Variants in SH3RF3 observed in about 807,000 individuals in gnomAD.
SH3RF3 encodes E3 ubiquitin-protein ligase SH3RF3.
A neutral mutation model predicts 66.3 loss-of-function variants in SH3RF3; 29 were observed. The ratio of observed to expected loss-of-function variants is 0.44; its 90% CI spans 0.33 to 0.60. The LOEUF is 0.60. SH3RF3 is among the 20% of genes least tolerant of loss of function. SH3RF3 has a pLI of 0.04. For missense variants in SH3RF3, 1,194 were observed against 1,190.9 expected (o/e 1.00, Z -0.04); for synonymous variants, 583 against 532.0 (o/e 1.10, Z -1.32).
intron 3 of SH3RF3, among the ~76,000 whole-genome samples, chr2:109,390,783 G>A (rs1184791800): frequency 1.3e-5 from 2 of 152,210 alleles, no homozygotes; most frequent in African/African-American, 4.8e-5. Context: ...CACAGGGGCG[G>A]TCGCTTCCCG....
chr2:109,259,505 C>A (rs1680300581), intron 1 of SH3RF3, among the ~76,000 whole-genome samples: 1 of 152,202 alleles, frequency 6.6e-6, no homozygotes, highest in Admixed American at 6.5e-5. Flanking sequence ...TCCTTCTGTG[C>A]AAAGTCAGGA....
Position 109,426,339 on chromosome 2 carries a change from G to C in SH3RF3, c.1404-6162G>C, listed in dbSNP as rs796622493. Among the ~76,000 whole-genome samples the C allele has an allele frequency of 3.3e-5, 5 of 152,336 alleles. 1 individual carries two copies. Among genetic ancestry groups the C allele is most frequent in the African/African-American group, 1.2e-4 (5 of 41,568 alleles). On this transcript the variant is annotated intron_variant, in intron 5 of 9. Coordinates refer to ENST00000309415, the MANE Select transcript of SH3RF3 (RefSeq NM_001099289.3). ...CCATTATGAACATTTGTGATTCATG[G>C]GAGGAGGTCAAAATATCAACATTAA...
intron 1 of SH3RF3, among the ~76,000 whole-genome samples, chr2:109,276,974 C>G (rs1324989131): frequency 6.6e-6 from 1 of 152,046 alleles, no homozygotes; most frequent in East Asian, 1.9e-4. Flanking sequence ...CTCGGCTTCT[C>G]CCTGAAAGGA....
chr2:109,487,652 C>T (rs1448071550), intron 8 of SH3RF3, among the ~76,000 whole-genome samples: 1 of 152,220 alleles, frequency 6.6e-6, no homozygotes, highest in Middle Eastern at 3.2e-3. Context: ...CTCTCAGCAG[C>T]TGGGCAGTGA....
rs115508091 is a variant in SH3RF3, at chr2:109,432,110, T to C, written c.1404-391T>C. Among the ~76,000 whole-genome samples, 485 of 152,272 alleles carry C rather than the reference T, an allele frequency of 3.2e-3. 4 individuals carry two copies. The highest frequency in any genetic ancestry group is 0.011 in the African/African-American group (467 of 41,562). On this transcript the variant is annotated intron_variant, in intron 5 of 9. Transcript: ENST00000309415. ...CCTAAGGTTTCCCTTGCTCAGAGCA[T>C]CAGACTTTAGAAGAGGAAAACACTG...
intron 1 of SH3RF3, among the ~76,000 whole-genome samples, chr2:109,324,822 G>A (rs1682110431): frequency 6.6e-6 from 1 of 152,202 alleles, no homozygotes; most frequent in Non-Finnish European, 1.5e-5. Context: ...TCCAAGGACA[G>A]TACTCTCCGT....
At chr2:109,246,669 C>T (rs1445030794) in intron 1 of SH3RF3, among the ~76,000 whole-genome samples, 3 of 152,194 alleles carry the variant, frequency 2.0e-5, no homozygotes, top group South Asian at 2.1e-4. Context: ...GTGGACTTAA[C>T]GTGCCTGGTG....
intron 1 of SH3RF3, among the ~76,000 whole-genome samples, chr2:109,223,433 C>G (rs572978448): frequency 1.6e-4 from 25 of 152,336 alleles, no homozygotes; most frequent in African/African-American, 5.5e-4. Context: ...TGCTTTGATT[C>G]CTCGGTTATT....
chr2:109,173,931 T>G (rs1558940290), intron 1 of SH3RF3, among the ~76,000 whole-genome samples: 1 of 152,256 alleles, frequency 6.6e-6, no homozygotes, highest in South Asian at 2.1e-4. Flanking sequence ...CCAATTCTTA[T>G]GCCCTTTAAA....
intron 1 of SH3RF3, among the ~76,000 whole-genome samples, chr2:109,312,439 G>A (rs537970779): frequency 1.1e-3 from 171 of 151,988 alleles, no homozygotes; most frequent in Non-Finnish European, 1.8e-3. Flanking sequence ...ATGATGTTTC[G>A]ACCGTCAGCA....
At chr2:109,174,716 G>A (rs1400739430) in intron 1 of SH3RF3, among the ~76,000 whole-genome samples, 2 of 152,254 alleles carry the variant, frequency 1.3e-5, no homozygotes, top group Non-Finnish European at 2.9e-5. Flanking sequence ...TGAGGTGGGA[G>A]ATTTTAACCC....
At chr2:109,439,540 C>T (rs1037869324) in intron 7 of SH3RF3, among the ~76,000 whole-genome samples, 2 of 152,174 alleles carry the variant, frequency 1.3e-5, no homozygotes, top group Middle Eastern at 3.2e-3. Context: ...GTTCTCATCT[C>T]GAGCCAAAGT....
At chr2:109,352,652 G>A (rs1450740167) in intron 2 of SH3RF3, among the ~76,000 whole-genome samples, 1 of 152,206 alleles carries the variant, frequency 6.6e-6, no homozygotes, top group East Asian at 1.9e-4. Flanking sequence ...TTACCCTGAA[G>A]TTACCCGAGA....
intron 2 of SH3RF3, among the ~76,000 whole-genome samples, chr2:109,348,418 C>T (rs895066883): frequency 2.0e-5 from 3 of 152,174 alleles, no homozygotes; most frequent in Non-Finnish European, 4.4e-5. Flanking sequence ...ACAGCCCTGT[C>T]CTCTAGGGCA....
chr2:109,232,285 G>A (rs1361220390), intron 1 of SH3RF3, among the ~76,000 whole-genome samples: 3 of 152,210 alleles, frequency 2.0e-5, no homozygotes, highest in African/African-American at 7.2e-5. Flanking sequence ...ACTATGAACT[G>A]TCTTTTTGAC....
chr2:109,150,620 C>T (rs1677206280), intron 1 of SH3RF3, among the ~76,000 whole-genome samples: 1 of 152,134 alleles, frequency 6.6e-6, no homozygotes, highest in Non-Finnish European at 1.5e-5. Context: ...GCTTGTCACA[C>T]AGCTGGTGAA....
rs34248247 is a variant in SH3RF3 at position 109,503,987 on chromosome 2, C to T, written c.*2316C>T. The T allele has an allele frequency of 0.12, 18,770 of 152,140 alleles. 1,901 individuals are homozygous for T. The highest frequency in any genetic ancestry group is 0.28 in the African/African-American group (11,508 of 41,470). The allele number at this position is 152,140 out of a possible 1,614,324, so 9.4% of individuals were successfully genotyped here. A position where few individuals can be genotyped will look rare whatever the true frequency, so the allele number is the denominator to read the frequency against. ...GTTGGTGCCACCTTAGGAAGGAGAG[C>T]GATGCGTGGGTCTGGCCAGAGCTCT... On this transcript the variant is annotated 3_prime_UTR_variant, in exon 10 of 10. Coordinates refer to ENST00000309415, the MANE Select transcript of SH3RF3 (RefSeq NM_001099289.3).
chr2:109,176,606 A>G (rs1529573), intron 1 of SH3RF3, among the ~76,000 whole-genome samples: 124,471 of 152,132 alleles, frequency 0.82, 51,066 homozygotes, highest in East Asian at 0.89. Context: ...GTGTGGTGGC[A>G]CATGCCTGTA....
At chr2:109,421,720 G>GTT (rs1352271395) in intron 5 of SH3RF3, among the ~76,000 whole-genome samples, 50 of 152,190 alleles carry the variant, frequency 3.3e-4, no homozygotes, top group African/African-American at 1.2e-3. Context: ...GGAAACTTAT[G>GTT]TGTCGGACAA....
Sources: gnomAD v4.1 joint callset for allele counts (sites outside exome capture counted in the v4.1 genomes callset) on GRCh38, gnomAD v4.1.1 for gene constraint, MANE v1.5 for transcripts, NCBI Gene and HGNC (gene_info 2026-07-23, HGNC 2026-07-21) for gene names.